The following TMEM132D variants were observed in gnomAD, a reference collection of about 807,000 sequenced individuals.
TMEM132D encodes the protein transmembrane protein 132D.
TMEM132D carries 21 observed loss-of-function variants against 62.3 expected under a neutral mutation model. The ratio of observed to expected loss-of-function variants is 0.34; its 90% CI spans 0.24 to 0.49. TMEM132D has a LOEUF of 0.49. Ranked by LOEUF, TMEM132D falls within the 20% of genes least tolerant of loss-of-function variation. TMEM132D has a pLI of 0.99. For missense variants in TMEM132D, 1,346 were observed against 1,402.8 expected (o/e 0.96, Z 0.65); for synonymous variants, 621 against 575.6 (o/e 1.08, Z -1.13).
chr12:129,365,241 C>T (rs1870367390), intron 3 of TMEM132D, among the ~76,000 whole-genome samples: 1 of 152,080 alleles, frequency 6.6e-6, no homozygotes, highest in Non-Finnish European at 1.5e-5. Flanking sequence ...TCTTATCTGA[C>T]CTGTGAACAC....
intron 1 of TMEM132D, among the ~76,000 whole-genome samples, chr12:129,785,494 G>C (rs1565984724): frequency 6.6e-6 from 1 of 152,196 alleles, no homozygotes; most frequent in Non-Finnish European, 1.5e-5. Context: ...GTTATTTCTT[G>C]ACTCCAATCA....
At chr12:129,805,707 T>G (rs1015972362) in intron 1 of TMEM132D, among the ~76,000 whole-genome samples, 21 of 151,308 alleles carry the variant, frequency 1.4e-4, no homozygotes, top group Middle Eastern at 3.4e-3. Context: ...CTAATTAAAC[T>G]AAAGAGCTTC....
At chr12:129,197,836 C>A (rs1457786193) in intron 5 of TMEM132D, among the ~76,000 whole-genome samples, 5 of 152,142 alleles carry the variant, frequency 3.3e-5, no homozygotes, top group Non-Finnish European at 5.9e-5. Flanking sequence ...AAACGATTAA[C>A]AGTGTGAAGA....
At chr12:129,320,380 A>G (rs1220677720) in intron 4 of TMEM132D, among the ~76,000 whole-genome samples, 1 of 152,240 alleles carries the variant, frequency 6.6e-6, no homozygotes, top group Non-Finnish European at 1.5e-5. Context: ...TAGTAGAACC[A>G]AGAGTTATTT....
chr12:129,158,060 G>C (rs1308772870), intron 5 of TMEM132D, among the ~76,000 whole-genome samples: 1 of 152,186 alleles, frequency 6.6e-6, no homozygotes. Flanking sequence ...TTATATTTTA[G>C]AGAAAGATTA....
At chr12:129,103,404 G>T (rs1875380275) in intron 5 of TMEM132D, among the ~76,000 whole-genome samples, 1 of 152,194 alleles carries the variant, frequency 6.6e-6, no homozygotes, top group African/African-American at 2.4e-5. Context: ...CACCTCGGAG[G>T]CCTGGCTTCC....
At chr12:129,142,166 G>A (rs534336278) in intron 5 of TMEM132D, among the ~76,000 whole-genome samples, 3 of 152,064 alleles carry the variant, frequency 2.0e-5, no homozygotes, top group African/African-American at 4.8e-5. Flanking sequence ...TGAGTATACC[G>A]TATCTATAAA....
intron 1 of TMEM132D, among the ~76,000 whole-genome samples, chr12:129,811,910 A>G (rs1276407547): frequency 6.6e-6 from 1 of 151,704 alleles, no homozygotes; most frequent in African/African-American, 2.4e-5. Context: ...TGAGCCTGGA[A>G]GCCAGCTCTC....
chr12:129,817,056 T>G (rs1033687104), intron 1 of TMEM132D, among the ~76,000 whole-genome samples: 7 of 152,248 alleles, frequency 4.6e-5, no homozygotes, highest in Admixed American at 3.9e-4. Context: ...AAATGGGTTC[T>G]ATGAAAAATT....
intron 5 of TMEM132D, among the ~76,000 whole-genome samples, chr12:129,151,661 GCTT>G (rs1175800390): frequency 6.6e-6 from 1 of 152,148 alleles, no homozygotes; most frequent in Admixed American, 6.5e-5. Flanking sequence ...CACCTCCTCA[GCTT>G]CTTCAGACTC....
At chr12:129,446,833 C>T (rs756241556) in intron 3 of TMEM132D, among the ~76,000 whole-genome samples, 8 of 152,108 alleles carry the variant, frequency 5.3e-5, no homozygotes, top group African/African-American at 9.7e-5. Flanking sequence ...TTAGAAACAG[C>T]GATTGTGCCT....
At chr12:129,398,774 A>T (rs1364436464) in intron 3 of TMEM132D, among the ~76,000 whole-genome samples, 1 of 152,122 alleles carries the variant, frequency 6.6e-6, no homozygotes, top group Non-Finnish European at 1.5e-5. Flanking sequence ...TTAATCTGAG[A>T]GTTTACTCCT....
intron 3 of TMEM132D, among the ~76,000 whole-genome samples, chr12:129,394,180 G>A (rs903769899): frequency 6.6e-6 from 1 of 152,032 alleles, no homozygotes; most frequent in African/African-American, 2.4e-5. Flanking sequence ...TGATGGGTGG[G>A]AAAAAAACCT....
chr12:129,749,667 G>T (rs1372735313), intron 1 of TMEM132D, among the ~76,000 whole-genome samples: 1 of 151,314 alleles, frequency 6.6e-6, no homozygotes, highest in Non-Finnish European at 1.5e-5. Flanking sequence ...ATTTCACCAC[G>T]TTGGTCAGGC....
At chr12:129,299,390 A>T (rs1881653633) in intron 4 of TMEM132D, among the ~76,000 whole-genome samples, 1 of 151,622 alleles carries the variant, frequency 6.6e-6, no homozygotes, top group Non-Finnish European at 1.5e-5. Context: ...GAAGTCAATA[A>T]ATGTCTCTTT....
chr12:129,669,687 G>A (rs909603676), intron 2 of TMEM132D, among the ~76,000 whole-genome samples: 5 of 151,038 alleles, frequency 3.3e-5, no homozygotes, highest in East Asian at 2.0e-4. Context: ...CCTGGGCAAC[G>A]GAGCAAGACT....
intron 3 of TMEM132D, among the ~76,000 whole-genome samples, chr12:129,464,356 A>G (rs1873808487): frequency 6.6e-6 from 1 of 152,120 alleles, no homozygotes; most frequent in Admixed American, 6.5e-5. Flanking sequence ...AGTTCATTGT[A>G]GATTCTGGAT....
At chr12:129,556,132 C>G (rs73155290) in intron 2 of TMEM132D, among the ~76,000 whole-genome samples, 1 of 152,166 alleles carries the variant, frequency 6.6e-6, no homozygotes. Flanking sequence ...CTTCACTACA[C>G]GAGTATCAAG....
chr12:129,714,297 T>C (rs1868486015), intron 1 of TMEM132D, among the ~76,000 whole-genome samples: 1 of 152,262 alleles, frequency 6.6e-6, no homozygotes, highest in Admixed American at 6.5e-5. Context: ...GGTTAGTTTA[T>C]TCACATCTGA....
Sources: allele counts gnomAD v4.1 joint callset (sites outside exome capture counted in the v4.1 genomes callset), GRCh38; gene constraint gnomAD v4.1.1; transcripts MANE v1.5; gene names NCBI Gene and HGNC (gene_info 2026-07-23, HGNC 2026-07-21).